The following COPS7A variants were observed in gnomAD, a reference collection of about 807,000 sequenced individuals.
The protein encoded by COPS7A is COP9 signalosome complex subunit 7a.
A neutral mutation model predicts 35.2 loss-of-function variants in COPS7A; 20 were observed. That is an observed-to-expected ratio of 0.57 (90% CI 0.40 to 0.83). COPS7A has a LOEUF of 0.83. Among genes scored for constraint, COPS7A ranks in the 40% least tolerant of loss-of-function variants. The pLI is 0.00. For synonymous variants in COPS7A, 139 were observed against 141.4 expected (o/e 0.98, Z 0.12); for missense variants, 247 against 347.5 (o/e 0.71, Z 2.30).
intron 2 of COPS7A, among the ~76,000 whole-genome samples, chr12:6,727,144 C>G (rs902119300): frequency 2.0e-5 from 3 of 152,136 alleles, no homozygotes. Flanking sequence ...CGAGACCAGC[C>G]TGGCCAATGT....
chr12:6,725,284 G>A (rs1376977684), intron 2 of COPS7A, among the ~76,000 whole-genome samples: 3 of 151,788 alleles, frequency 2.0e-5, no homozygotes, highest in Non-Finnish European at 4.4e-5. Flanking sequence ...AGCCTCCTCA[G>A]TAGCTGGGAC....
chr12:6,731,864 A>G lies in COPS7A; in HGVS notation c.*825A>G, dbSNP rs958061241. ...TAAATCTATGAGAAATCTATCTACA[A>G]ACTACCCTGAACTGGGTATCTTCTG... On this transcript the variant is annotated 3_prime_UTR_variant, in exon 8 of 8. Coordinates refer to ENST00000543155, the MANE Select transcript of COPS7A (RefSeq NM_001164094.2). 12 of 152,746 alleles carry G rather than the reference A, an allele frequency of 7.9e-5. No individual in the cohort carries two copies. The highest frequency in any genetic ancestry group is 6.5e-4 in the Admixed American group (10 of 15,294). 9.5% of individuals were successfully genotyped at this position (152,746 alleles called of 1,614,324 possible). A position where few individuals can be genotyped will look rare whatever the true frequency, so the allele number is the denominator to read the frequency against.
intron 2 of COPS7A, among the ~76,000 whole-genome samples, chr12:6,725,157 CTT>C (rs60514531): frequency 0.092 from 12,856 of 139,328 alleles, 555 homozygotes; most frequent in African/African-American, 0.13. Context: ...TCAGCTTTCT[CTT>C]TTTTTTTTTT....
chr12:6,731,345 G>A lies in COPS7A; in HGVS notation c.*306G>A. ...CTGTTCATTACATGTCATTGAGTAG[G>A]TGGGTAGCCCTGATGGGGGTCGCTC... is the stretch of plus-strand genomic sequence containing the variant. On this transcript the variant is annotated 3_prime_UTR_variant, in exon 8 of 8. Transcript: ENST00000543155. The A allele has an allele frequency of 7.1e-7, 1 of 1,407,092 alleles. No individual in the cohort carries two copies. Among genetic ancestry groups the A allele is most frequent in the African/African-American group, 1.4e-5 (1 of 69,430 alleles). The allele number at this position is 1,407,092 out of a possible 1,614,324, so 87.2% of individuals were successfully genotyped here.
At position 6,727,990 on chromosome 12, in the gene COPS7A, C is replaced by T; in HGVS notation, c.227C>T (p.Ala76Val). The stretch of plus-strand genomic sequence containing the variant: ...ACAGTGTTTGCTTATGGGACATACG[C>T]TGACTACTTAGGTAACCAGAGGGGT... ...LLTVFAYGTY[A>V]DYLAEARNLP... The change falls in exon 3 of 8, where the codon GCT (alanine) becomes GTT (valine). Residue 76 changes from alanine to valine, a missense_variant. Ala to Val is a moderately conservative substitution (Grantham distance 64). Transcript: ENST00000543155. The T allele has an allele frequency of 6.2e-7, 1 of 1,614,140 alleles. No homozygotes were observed. Among genetic ancestry groups the T allele is most frequent in the Non-Finnish European group, 8.5e-7 (1 of 1,180,008 alleles).
intron 2 of COPS7A, among the ~76,000 whole-genome samples, chr12:6,726,671 TAA>T (rs1239146735): frequency 5.5e-5 from 7 of 127,890 alleles, no homozygotes; most frequent in Non-Finnish European, 6.7e-5. Flanking sequence ...AAGTATAATT[TAA>T]AAAAAAAAAA....
chr12:6,724,348 C>T (rs1346743952), intron 1 of COPS7A, 169 bp downstream of exon 1: 2 of 483,360 alleles, frequency 4.1e-6, no homozygotes, highest in Non-Finnish European at 8.0e-6. Context: ...CCATGCGACA[C>T]CCATTTCTCC....
chr12:6,726,313 A>C (rs1231311121), intron 2 of COPS7A, among the ~76,000 whole-genome samples: 1 of 149,552 alleles, frequency 6.7e-6, no homozygotes, highest in Non-Finnish European at 1.5e-5. Flanking sequence ...AACGAAAAAC[A>C]GGGCCAGTCA....
intron 2 of COPS7A, chr12:6,725,922 G>A: frequency 4.4e-6 from 2 of 455,716 alleles, no homozygotes; most frequent in East Asian, 1.4e-4. Context: ...TGGGTGCGGT[G>A]GCTCATGCCT....
intron 1 of COPS7A, 188 bp downstream of exon 1, chr12:6,724,367 CTG>C (rs1245026105): frequency 2.0e-6 from 1 of 510,630 alleles, no homozygotes; most frequent in Non-Finnish European, 3.7e-6. Context: ...CCTTTGCATC[CTG>C]TGTCTTGGGG....
chr12:6,729,730 T>G lies in COPS7A; in HGVS notation c.530+281T>G, dbSNP rs1941345670. Among the ~76,000 whole-genome samples, 1 of 152,224 alleles carries G rather than the reference T, an allele frequency of 6.6e-6. No homozygotes were observed. Among genetic ancestry groups the G allele is most frequent in the Admixed American group, 6.5e-5 (1 of 15,278 alleles). ...GCAAGGTCGGTCGCCTGTCTTAGGC[T>G]AGACTCTGTCGATTGATCTGTAACT... On this transcript the variant is annotated intron_variant, in intron 5 of 7. Coordinates refer to ENST00000543155, the MANE Select transcript of COPS7A (RefSeq NM_001164094.2). The surrounding 1 kb of genome is among the most constrained non-coding windows in gnomAD (Gnocchi z 4.2).
intron 7 of COPS7A, 64 bp downstream of exon 7, chr12:6,730,884 C>T (rs1941376643): frequency 6.2e-7 from 1 of 1,601,596 alleles, no homozygotes; most frequent in Non-Finnish European, 8.5e-7. Context: ...AGGGACCTCA[C>T]TGTCCTCATT....
chr12:6,730,710 A>C lies in COPS7A; in HGVS notation c.678A>C (p.Ala226=). The change falls in exon 7 of 8, where the codon GCA becomes GCC. Residue 226 remains alanine, a synonymous_variant. Coordinates refer to ENST00000543155, the MANE Select transcript of COPS7A (RefSeq NM_001164094.2). ...AAACCATTAAAGTTACGACGGCAGC[A>C]GCAGCCGCAGCCACATCTCAGGACC... ...LKKTIKVTTA[A]AAAATSQDPE... is the part of the protein sequence containing the mutation. 1 of 1,613,918 alleles carries C rather than the reference A, an allele frequency of 6.2e-7. No homozygotes were observed.
Position 6,730,716 on chromosome 12 carries a change from C to A in COPS7A, c.684C>A (p.Ala228=). 6.2e-7 allele frequency: 1 copy of A among 1,614,120 alleles called. No individual in the cohort carries two copies. Among genetic ancestry groups the A allele is most frequent in the Non-Finnish European group, 8.5e-7 (1 of 1,180,012 alleles). ...TTAAAGTTACGACGGCAGCAGCAGC[C>A]GCAGCCACATCTCAGGACCCTGAGC... The part of the protein sequence containing the change: ...KTIKVTTAAA[A]AATSQDPEQH... The change falls in exon 7 of 8, where the codon GCC becomes GCA. Residue 228 remains alanine (A), a synonymous_variant. Transcript: ENST00000543155.
chr12:6,727,922 G>T lies in COPS7A; in HGVS notation c.163-4G>T, dbSNP rs367771749. On this transcript the variant is annotated splice_region_variant and splice_polypyrimidine_tract_variant and intron_variant, in intron 2 of 7. Transcript: ENST00000543155. ...CGTCACCTCCTTTTTCCTCATTCTC[G>T]CAGCTGGCTGAGAGTGACTTTGCCT... The T allele has an allele frequency of 4.3e-6, 7 of 1,614,026 alleles. No individual in the cohort carries two copies. The highest frequency in any genetic ancestry group is 5.9e-6 in the Non-Finnish European group (7 of 1,179,948).
intron 4 of COPS7A, 41 bp downstream of exon 4, chr12:6,728,352 T>G (rs772496405): frequency 6.4e-7 from 1 of 1,565,578 alleles, no homozygotes; most frequent in African/African-American, 1.4e-5. Context: ...AGAGCATCCT[T>G]TTGTATGTCC....
At chr12:6,727,808 A>G in intron 2 of COPS7A, 118 bp from the exon 3 acceptor site, 1 of 871,572 alleles carries the variant, frequency 1.1e-6, no homozygotes, top group Non-Finnish European at 1.9e-6. Context: ...TTGGTGAGCC[A>G]GGAGAGTTAA....
chr12:6,729,329 A>C lies in COPS7A; in HGVS notation c.410A>C (p.Tyr137Ser). ...GAAGACCTTGTGATTGAGGCTGTGT[A>C]TGCTGACGTGCTTCGTGGCTCCCTG... Reference protein sequence around the residue: ...QLEDLVIEAVYADVLRGSLDQ... With the variant: ...QLEDLVIEAVSADVLRGSLDQ... The change falls in exon 5 of 8, where the codon TAT becomes TCT. Residue 137 changes from tyrosine to serine, a missense_variant. Physicochemically the swap from Tyr to Ser is moderately radical, Grantham distance 144 (BLOSUM62 -2). Coordinates refer to ENST00000543155, the MANE Select transcript of COPS7A (RefSeq NM_001164094.2). The surrounding 1 kb of genome is among the most constrained non-coding windows in gnomAD (Gnocchi z 4.2). 6.2e-7 allele frequency: 1 copy of C among 1,614,166 alleles called. No homozygotes were observed. The highest frequency in any genetic ancestry group is 1.1e-5 in the South Asian group (1 of 91,078).
chr12:6,724,951 A>G (rs1941213690), intron 2 of COPS7A, 133 bp downstream of exon 2: 5 of 966,826 alleles, frequency 5.2e-6, no homozygotes, highest in East Asian at 2.6e-5. Flanking sequence ...TTAAATGCCA[A>G]CTTGCAGAAG....
Sources: allele counts gnomAD v4.1 joint callset (sites outside exome capture counted in the v4.1 genomes callset), GRCh38; gene constraint gnomAD v4.1.1; non-coding constraint Gnocchi (gnomAD v3.1); transcripts MANE v1.5; gene names NCBI Gene and HGNC (gene_info 2026-07-23, HGNC 2026-07-21).